The following CDHR1 variants were observed in gnomAD, a reference collection of about 807,000 sequenced individuals.
The protein encoded by CDHR1 is cadherin-related family member 1.
CDHR1 carries 61 observed loss-of-function variants against 72.1 expected under a neutral mutation model. That is an observed-to-expected ratio of 0.85 (90% CI 0.69 to 1.05). The LOEUF is 1.05. Ranked by LOEUF, CDHR1 falls within the 50% of genes least tolerant of loss-of-function variation. The pLI is 0.00. For synonymous variants in CDHR1, 470 were observed against 448.1 expected (o/e 1.05, Z -0.62); for missense variants, 1,186 against 1,115.7 (o/e 1.06, Z -0.90).
chr10:84,195,673 C>A (rs1842017492), intron 2 of CDHR1, 84 bp downstream of exon 2: 3 of 1,225,768 alleles, frequency 2.4e-6, no homozygotes, highest in East Asian at 4.9e-5. Context: ...CAGGCACCAC[C>A]CAAGTTGCTG....
At position 84,210,949 on chromosome 10, in the gene CDHR1, T is replaced by C. The variant is rs1842318031; in HGVS notation, c.1321-52T>C. 3 of 1,598,602 alleles carry C rather than the reference T, an allele frequency of 1.9e-6. No individual in the cohort carries two copies. The East Asian group carries it at 6.7e-5, about 36-fold the overall frequency. On this transcript the variant is annotated intron_variant, in intron 12 of 16. Transcript: ENST00000623527. ...CTGGGGAGATGAGGTGGGAAGGCTC[T>C]CTGCAGCATGAGTGCCTACCCAGAC...
intron 10 of CDHR1, among the ~76,000 whole-genome samples, chr10:84,206,845 C>T (rs1348796843): frequency 3.3e-5 from 5 of 152,108 alleles, no homozygotes; most frequent in South Asian, 2.1e-4. Context: ...GTAGAGCCAT[C>T]GGCCAAAGTA....
intron 1 of CDHR1, among the ~76,000 whole-genome samples, chr10:84,195,211 T>C (rs916510030): frequency 1.3e-5 from 2 of 152,182 alleles, no homozygotes; most frequent in Non-Finnish European, 2.9e-5. Flanking sequence ...GCGGGTGCAA[T>C]CTGCCCATTG....
chr10:84,194,582 T>A lies in CDHR1; in HGVS notation c.-179T>A, dbSNP rs1841992561. On this transcript the variant is annotated 5_prime_UTR_variant, in exon 1 of 17. Transcript: ENST00000623527. Reference sequence around the variant, plus strand: ...GGCCGGCAGGAGCAGATCCGAGCCGTGTCATCCTCTTAGCGCCCTCACGCC... The same window carrying A: ...GGCCGGCAGGAGCAGATCCGAGCCGAGTCATCCTCTTAGCGCCCTCACGCC... 1 of 481,882 alleles carries A rather than the reference T, an allele frequency of 2.1e-6. No individual in the cohort carries two copies. The highest frequency in any genetic ancestry group is 3.6e-6 in the Non-Finnish European group (1 of 279,890). 29.9% of individuals were successfully genotyped at this position (481,882 alleles called of 1,614,324 possible). A position where few individuals can be genotyped will look rare whatever the true frequency, so the allele number is the denominator to read the frequency against.
intron 9 of CDHR1, 71 bp from the exon 10 acceptor site, chr10:84,205,756 T>A: frequency 9.9e-7 from 1 of 1,006,336 alleles, no homozygotes; most frequent in Non-Finnish European, 1.6e-6. Flanking sequence ...TGCAGGACGA[T>A]CCTGTGGCAC....
At chr10:84,197,754 C>A in intron 3 of CDHR1, 32 bp from the exon 4 acceptor site, 1 of 1,608,384 alleles carries the variant, frequency 6.2e-7, no homozygotes, top group Non-Finnish European at 8.5e-7. Context: ...TGTCAGACTC[C>A]TGGACACTCA....
At chr10:84,201,772 C>A in intron 6 of CDHR1, 35 bp from the exon 7 acceptor site, 2 of 1,564,378 alleles carry the variant, frequency 1.3e-6, no homozygotes, top group Non-Finnish European at 8.8e-7. Flanking sequence ...GGCCTGCATT[C>A]TTGCTGAGGT....
intron 4 of CDHR1, 25 bp downstream of exon 4, chr10:84,197,861 C>T (rs770542148): frequency 8.7e-6 from 14 of 1,609,822 alleles, no homozygotes; most frequent in African/African-American, 1.3e-5. Context: ...AAGGCAGTCC[C>T]TGGCAGCCTG....
rs200008704 is a variant in CDHR1, at chr10:84,208,348, C to T, written c.1138C>T (p.Leu380Phe). The change falls in exon 11 of 17, where the codon CTC becomes TTC. Residue 380 changes from leucine (L) to phenylalanine (F), a missense_variant. Coordinates refer to ENST00000623527, the MANE Select transcript of CDHR1 (RefSeq NM_033100.4). ...HPPQGEILRGLKITVNDSDQG... is the reference protein window; with the variant it reads ...HPPQGEILRGFKITVNDSDQG... ...ACCCCAGGGAGAGATCCTGCGGGGC[C>T]TCAAGATCACCGTCAATGACTCCGA... 6.2e-7 allele frequency: 1 copy of T among 1,614,168 alleles called. No individual in the cohort carries two copies. The highest frequency in any genetic ancestry group is 2.2e-5 in the East Asian group (1 of 44,866).
chr10:84,205,719 C>G lies in CDHR1; in HGVS notation c.863-108C>G, dbSNP rs1842212416. 4.4e-5 allele frequency: 33 copies of G among 749,956 alleles called. 1 individual carries two copies. In the South Asian group the frequency reaches 4.7e-4, roughly 11 times the overall value. The allele number at this position is 749,956 out of a possible 1,614,324, so 46.5% of individuals were successfully genotyped here. Reference sequence around the variant, plus strand: ...TTGACAAGACACAGATGACAGGATTCCATTCTATGAAGACTTCCCTAGGCA... The same window carrying G: ...TTGACAAGACACAGATGACAGGATTGCATTCTATGAAGACTTCCCTAGGCA... On this transcript the variant is annotated intron_variant, in intron 9 of 16. Transcript: ENST00000623527.
Position 84,210,988 on chromosome 10 carries a change from C to A in CDHR1, c.1321-13C>A, listed in dbSNP as rs200115700. ...GCCTACCCAGACAAGTCCCCATTTT[C>A]CCCCCTTCCCAGCTCCTGGCTGTTG... On this transcript the variant is annotated splice_polypyrimidine_tract_variant and intron_variant, in intron 12 of 16. Coordinates refer to ENST00000623527, the MANE Select transcript of CDHR1 (RefSeq NM_033100.4). 9 of 1,613,978 alleles carry A rather than the reference C, an allele frequency of 5.6e-6. No individual in the cohort carries two copies. Among genetic ancestry groups the A allele is most frequent in the Non-Finnish European group, 7.6e-6 (9 of 1,179,956 alleles).
Position 84,201,914 on chromosome 10 carries a change from C to T in CDHR1, c.633C>T (p.Val211=), listed in dbSNP as rs767268640. 3.5e-5 allele frequency: 56 copies of T among 1,603,472 alleles called. 1 individual carries two copies. In the South Asian group the frequency reaches 5.4e-4, roughly 15 times the overall value. ...CCCGGACCCACTACATCACCGTGGT[C>T]GCCAAGGTAACACAGCAGGACAGGG... ...ERSRTHYITV[V]AKDGGGRLHG... Residue 211 remains valine, a synonymous_variant, in exon 7 of 17, where the codon GTC becomes GTT. Coordinates refer to ENST00000623527, the MANE Select transcript of CDHR1 (RefSeq NM_033100.4).
chr10:84,204,473 A>G, intron 8 of CDHR1, 54 bp from the exon 9 acceptor site: 13 of 1,209,734 alleles, frequency 1.1e-5, no homozygotes, highest in South Asian at 8.4e-5. Context: ...TTGTTTGGGG[A>G]GGGGAGGGTC....
At chr10:84,198,867 G>A (rs937433974) in intron 4 of CDHR1, among the ~76,000 whole-genome samples, 165 bp from the exon 5 acceptor site, 3 of 152,058 alleles carry the variant, frequency 2.0e-5, no homozygotes, top group African/African-American at 7.3e-5. Context: ...CTAAGAGGCT[G>A]CTTAATGTTT....
At chr10:84,210,934 G>A in intron 12 of CDHR1, 67 bp from the exon 13 acceptor site, 3 of 1,538,828 alleles carry the variant, frequency 1.9e-6, no homozygotes, top group African/African-American at 1.4e-5. Flanking sequence ...CTGGGGAGAT[G>A]AGGTGGGAAG....
Position 84,195,584 on chromosome 10 carries a change from C to T in CDHR1, c.146C>T (p.Pro49Leu), listed in dbSNP as rs1293587801. The T allele has an allele frequency of 1.2e-6, 2 of 1,613,700 alleles. No homozygotes were observed. The highest frequency in any genetic ancestry group is 1.3e-5 in the African/African-American group (1 of 75,060). The change falls in exon 2 of 17, where the codon CCT (proline) becomes CTT (leucine). Residue 49 changes from proline (P) to leucine (L), a missense_variant. Transcript: ENST00000623527. ...CTGTTCAGCCTCCCAGAGGACACCCCTGTAGGTGAGTAGCCCTGGCACCTG... is the reference window on the plus strand; with the variant it reads ...CTGTTCAGCCTCCCAGAGGACACCCTTGTAGGTGAGTAGCCCTGGCACCTG... ...MALFSLPEDT[P>L]VGSHVYTLNG...
intron 5 of CDHR1, 102 bp from the exon 6 acceptor site, chr10:84,200,499 C>G: frequency 2.6e-6 from 2 of 779,598 alleles, no homozygotes; most frequent in Admixed American, 4.0e-5. Context: ...CTCTTTTTGA[C>G]ACTTCACTCC....
In CDHR1 at chr10:84,214,819, C is replaced by T; in HGVS notation, c.*198C>T. The T allele has an allele frequency of 6.7e-7, 1 of 1,499,866 alleles. No individual in the cohort carries two copies. The highest frequency in any genetic ancestry group is 2.4e-5 in the East Asian group (1 of 41,544). The allele number at this position is 1,499,866 out of a possible 1,614,324, so 92.9% of individuals were successfully genotyped here. ...CGCTCTGACAGGGCTCTAGTCAGGG[C>T]CTTGGGCAAGACATTGGGCTCTAGG... On this transcript the variant is annotated 3_prime_UTR_variant, in exon 17 of 17. Coordinates refer to ENST00000623527, the MANE Select transcript of CDHR1 (RefSeq NM_033100.4).
chr10:84,199,146 C>A, intron 5 of CDHR1, 25 bp downstream of exon 5: 1 of 1,539,990 alleles, frequency 6.5e-7, no homozygotes, highest in Non-Finnish European at 8.8e-7. Context: ...GCTAGAGGGG[C>A]TGATTTTCCC....
Sources: gnomAD v4.1 joint callset for allele counts (sites outside exome capture counted in the v4.1 genomes callset) on GRCh38, gnomAD v4.1.1 for gene constraint, MANE v1.5 for transcripts, NCBI Gene and HGNC (gene_info 2026-07-23, HGNC 2026-07-21) for gene names.